Variants in OCA2 observed in about 807,000 individuals in gnomAD.
The protein encoded by OCA2 is OCA2 melanosomal transmembrane protein.
In OCA2, 77 loss-of-function variants were observed where a neutral mutation model predicts 100.2. That is an observed-to-expected ratio of 0.77 (90% CI 0.64 to 0.93). The LOEUF is 0.93. OCA2 is among the 40% of genes least tolerant of loss of function. OCA2 has a pLI of 0.00. For missense variants in OCA2, 1,062 were observed against 1,089.1 expected (o/e 0.98, Z 0.35); for synonymous variants, 432 against 439.2 (o/e 0.98, Z 0.21).
intron 15 of OCA2, among the ~76,000 whole-genome samples, chr15:27,964,621 A>G (rs755960334): frequency 2.5e-4 from 38 of 152,336 alleles, no homozygotes; most frequent in Middle Eastern, 6.8e-3. Context: ...CAACACAAGG[A>G]AGAAAACACA....
At position 27,886,287 on chromosome 15, in the gene OCA2, C is replaced by G. The variant is rs76904626; in HGVS notation, c.2080-14365G>C. ...GGACAACATGCTGCTATCAAAAGCACCAAAAGATCCAAGCAGCCCTTCAGG... is the reference window on the plus strand; with the variant it reads ...GGACAACATGCTGCTATCAAAAGCAGCAAAAGATCCAAGCAGCCCTTCAGG... On this transcript the variant is annotated intron_variant, in intron 19 of 23. Coordinates refer to ENST00000354638, the MANE Select transcript of OCA2 (RefSeq NM_000275.3). Among the ~76,000 whole-genome samples, 291 of 152,300 alleles carry G rather than the reference C, an allele frequency of 1.9e-3. 1 individual carries two copies. Among genetic ancestry groups the G allele is most frequent in the East Asian group, 0.018 (95 of 5,172 alleles).
chr15:27,777,797 G>A (rs2032320400), intron 23 of OCA2, among the ~76,000 whole-genome samples: 1 of 152,210 alleles, frequency 6.6e-6, no homozygotes, highest in South Asian at 2.1e-4. Flanking sequence ...AGGGTAGGAT[G>A]CTGCACCTGT....
At chr15:27,943,725 G>C (rs544864048) in intron 18 of OCA2, among the ~76,000 whole-genome samples, 1 of 149,888 alleles carries the variant, frequency 6.7e-6, no homozygotes, top group South Asian at 2.1e-4. Flanking sequence ...CTTAACCCAG[G>C]CTCTTCTTTC....
chr15:27,952,521 G>A (rs975821463), intron 17 of OCA2, among the ~76,000 whole-genome samples: 9 of 152,216 alleles, frequency 5.9e-5, no homozygotes, highest in African/African-American at 2.2e-4. Context: ...GCTGCGTGGG[G>A]CCAGGGCAGG....
At chr15:28,007,345 G>A (rs191831101) in intron 9 of OCA2, among the ~76,000 whole-genome samples, 1 of 152,308 alleles carries the variant, frequency 6.6e-6, no homozygotes, top group East Asian at 1.9e-4. Flanking sequence ...TGCTGCATTG[G>A]GAAATCTCCC....
chr15:27,731,379 C>T, the OCA2 span, among the ~76,000 whole-genome samples: 428 of 152,082 alleles, frequency 2.8e-3, 4 homozygotes, highest in African/African-American at 9.3e-3. Context: ...TTAGCTGTGA[C>T]ATATATATAT....
chr15:28,022,370 G>A, intron 6 of OCA2, 131 bp downstream of exon 6: 2 of 679,380 alleles, frequency 2.9e-6, no homozygotes, highest in Non-Finnish European at 5.1e-6. Flanking sequence ...CAGACATCCT[G>A]GAGAAACAAA....
intron 9 of OCA2, among the ~76,000 whole-genome samples, chr15:27,997,139 GAA>G (rs2041768587): frequency 3.0e-5 from 1 of 33,092 alleles, no homozygotes; most frequent in African/African-American, 4.6e-5. Context: ...AAGAAGGAAG[GAA>G]GAGAGAGAGA....
chr15:27,769,502 T>G (rs1026488727), intron 23 of OCA2, among the ~76,000 whole-genome samples: 2 of 152,104 alleles, frequency 1.3e-5, no homozygotes, highest in African/African-American at 4.8e-5. Flanking sequence ...ATTCTTCCTG[T>G]TTATGTTTCC....
At chr15:27,936,615 C>T (rs571147534) in intron 18 of OCA2, among the ~76,000 whole-genome samples, 1 of 152,290 alleles carries the variant, frequency 6.6e-6, no homozygotes, top group Non-Finnish European at 1.5e-5. Context: ...CTGATTCAAT[C>T]CTCACAGCAA....
chr15:28,054,215 T>C (rs1327889406), intron 2 of OCA2, among the ~76,000 whole-genome samples: 2 of 150,426 alleles, frequency 1.3e-5, no homozygotes, highest in Admixed American at 6.6e-5. Flanking sequence ...TGTGTGTATG[T>C]ATGTGTATGT....
intron 2 of OCA2, among the ~76,000 whole-genome samples, chr15:28,070,560 G>T (rs1398133430): frequency 2.1e-5 from 3 of 145,140 alleles, no homozygotes; most frequent in South Asian, 2.3e-4. Flanking sequence ...CCCTCCGCCC[G>T]GCCAGCCGCC....
chr15:28,077,039 G>C (rs1348375223), intron 2 of OCA2, among the ~76,000 whole-genome samples: 2 of 151,370 alleles, frequency 1.3e-5, no homozygotes, highest in Non-Finnish European at 2.9e-5. Context: ...GGAAGTCTGT[G>C]TGTCACTCTG....
At chr15:27,922,639 T>C (rs2038897746) in intron 19 of OCA2, among the ~76,000 whole-genome samples, 1 of 152,108 alleles carries the variant, frequency 6.6e-6, no homozygotes, top group African/African-American at 2.4e-5. Context: ...CTACAAAAAT[T>C]TTATGCATTC....
chr15:27,831,565 T>C (rs1267076186), intron 23 of OCA2, among the ~76,000 whole-genome samples: 1 of 152,212 alleles, frequency 6.6e-6, no homozygotes, highest in Non-Finnish European at 1.5e-5. Context: ...GGCACTGGGC[T>C]AGATTCACAC....
chr15:28,008,975 G>T (rs2042161922), intron 9 of OCA2, among the ~76,000 whole-genome samples: 1 of 152,226 alleles, frequency 6.6e-6, no homozygotes, highest in Admixed American at 6.5e-5. Context: ...AAGCAGCTTT[G>T]CCTGAAACAA....
intron 19 of OCA2, among the ~76,000 whole-genome samples, chr15:27,915,619 C>G (rs1303998942): frequency 1.3e-5 from 2 of 152,122 alleles, no homozygotes; most frequent in Non-Finnish European, 2.9e-5. Flanking sequence ...CTCAACATGG[C>G]TAATCATGTT....
intron 18 of OCA2, among the ~76,000 whole-genome samples, chr15:27,930,809 T>C (rs916085846): frequency 6.6e-6 from 1 of 151,824 alleles, no homozygotes; most frequent in Non-Finnish European, 1.5e-5. Context: ...ACACTTCATC[T>C]CTAAACACTC....
chr15:27,911,035 G>C (rs775472127), intron 19 of OCA2, among the ~76,000 whole-genome samples: 11 of 152,126 alleles, frequency 7.2e-5, no homozygotes, highest in Non-Finnish European at 1.5e-4. Context: ...AAAGATCTAG[G>C]TAAGGTAGAA....
Sources: allele counts gnomAD v4.1 joint callset (sites outside exome capture counted in the v4.1 genomes callset), GRCh38; gene constraint gnomAD v4.1.1; transcripts MANE v1.5; gene names NCBI Gene and HGNC (gene_info 2026-07-23, HGNC 2026-07-21).